The following B4GALNT2 variants were observed in gnomAD, a reference collection of about 807,000 sequenced individuals.
B4GALNT2 encodes N-acetylneuraminylgalactosylglucosyl-glucoside beta-1,4-N- acetylgalactosaminyltransferase 2.
Under a neutral mutation model 51.1 loss-of-function variants are expected in B4GALNT2, and 42 were observed. The observed-to-expected ratio is 0.82, with a 90% CI of 0.64 to 1.06. The LOEUF (loss-of-function observed/expected upper bound fraction) is 1.06. B4GALNT2 is among the 50% of genes least tolerant of loss of function. The pLI, the probability that B4GALNT2 is intolerant of heterozygous loss-of-function variation, is 0.00. For missense variants in B4GALNT2, 602 were observed against 633.6 expected (o/e 0.95, Z 0.54); for synonymous variants, 253 against 251.7 (o/e 1.01, Z -0.05).
At chr17:49,155,624 A>G (rs2042802122) in intron 4 of B4GALNT2, among the ~76,000 whole-genome samples, 1 of 148,500 alleles carries the variant, frequency 6.7e-6, no homozygotes, top group African/African-American at 2.4e-5. Flanking sequence ...ATATATATAA[A>G]ATATAGAAAC....
chr17:49,130,262 T>C (rs1254748866), upstream of B4GALNT2, among the ~76,000 whole-genome samples: 1 of 152,222 alleles, frequency 6.6e-6, no homozygotes, highest in African/African-American at 2.4e-5. Context: ...CCTACTTAAA[T>C]AGAGCTGGTG....
intron 9 of B4GALNT2, among the ~76,000 whole-genome samples, chr17:49,168,090 A>C (rs895347802): frequency 2.6e-5 from 4 of 152,192 alleles, no homozygotes; most frequent in Middle Eastern, 6.3e-3. Flanking sequence ...AGAACGGGTG[A>C]TGGGGGACAA....
intron 4 of B4GALNT2, among the ~76,000 whole-genome samples, chr17:49,155,688 A>G (rs2042802687): frequency 6.7e-6 from 1 of 148,788 alleles, no homozygotes; most frequent in African/African-American, 2.4e-5. Context: ...TTTATAATAT[A>G]TAATATTTAA....
At position 49,164,016 on chromosome 17, in the gene B4GALNT2, C is replaced by T. The variant is rs878906660; in HGVS notation, c.767-72C>T. ...ACAGGTTATGGCAGAAAGAAGCCAT[C>T]AGATCAAAGCAGGAAAAGACAGTGA... On this transcript the variant is annotated intron_variant, in intron 7 of 10. Coordinates refer to ENST00000393354, the MANE Select transcript of B4GALNT2 (RefSeq NM_001159387.2). 2.7e-5 allele frequency: 38 copies of T among 1,429,706 alleles called. No homozygotes were observed. The South Asian group carries it at 4.8e-4, about 18-fold the overall frequency. The allele number at this position is 1,429,706 out of a possible 1,614,324, so 88.6% of individuals were successfully genotyped here. A position where few individuals can be genotyped will look rare whatever the true frequency, so the allele number is the denominator to read the frequency against.
chr17:49,125,823 T>C, the B4GALNT2 span, among the ~76,000 whole-genome samples: 308 of 59,836 alleles, frequency 5.1e-3, no homozygotes, highest in East Asian at 0.01. Context: ...CCGCCCCTAC[T>C]GGGAAGTGAG....
At chr17:49,128,931 A>C (rs1317760177), upstream of B4GALNT2, among the ~76,000 whole-genome samples, 1 of 152,134 alleles carries the variant, frequency 6.6e-6, no homozygotes, top group Non-Finnish European at 1.5e-5. Context: ...GAGACCCAGA[A>C]TCCTCTTTAT....
chr17:49,160,879 A>G (rs867793742), intron 7 of B4GALNT2, among the ~76,000 whole-genome samples: 2 of 152,258 alleles, frequency 1.3e-5, no homozygotes, highest in Non-Finnish European at 2.9e-5. Flanking sequence ...CTAAAAAATT[A>G]TAACATTTTA....
chr17:49,132,892 G>C lies in B4GALNT2; in HGVS notation c.14+86G>C, dbSNP rs551018318. 4.4e-5 allele frequency: 61 copies of C among 1,376,510 alleles called. No homozygotes were observed. The Middle Eastern group carries it at 1.3e-3, about 30-fold the overall frequency. 85.3% of individuals were successfully genotyped at this position (1,376,510 alleles called of 1,614,324 possible). ...GGGTCCTTTCTGGCGTCTGCAGAGC[G>C]GGCAGGTGCTGGGGACGCAGACGCC... On this transcript the variant is annotated intron_variant, in intron 1 of 10. Coordinates refer to ENST00000393354, the MANE Select transcript of B4GALNT2 (RefSeq NM_001159387.2).
intron 1 of B4GALNT2, among the ~76,000 whole-genome samples, chr17:49,138,859 A>G (rs1342359923): frequency 6.6e-6 from 1 of 152,226 alleles, no homozygotes; most frequent in Non-Finnish European, 1.5e-5. Context: ...CCTGGGTGAC[A>G]AAGCGAGACT....
chr17:49,144,353 TC>T (rs1236160543), intron 3 of B4GALNT2, among the ~76,000 whole-genome samples: 2 of 152,226 alleles, frequency 1.3e-5, no homozygotes, highest in East Asian at 3.9e-4. Flanking sequence ...AGTGGAAGGC[TC>T]CCCAGAAGAC....
chr17:49,156,684 G>A (rs1299400071), intron 5 of B4GALNT2, 81 bp downstream of exon 5: 8 of 1,489,762 alleles, frequency 5.4e-6, no homozygotes, highest in Admixed American at 1.8e-5. Flanking sequence ...AGCCTTTGAC[G>A]GAGCCCCTGT....
At chr17:49,142,997 C>T (rs947332726) in intron 3 of B4GALNT2, among the ~76,000 whole-genome samples, 1 of 152,040 alleles carries the variant, frequency 6.6e-6, no homozygotes, top group African/African-American at 2.4e-5. Flanking sequence ...GCCTGTAATC[C>T]CAACACTTTG....
At position 49,152,821 on chromosome 17, in the gene B4GALNT2, G is replaced by A. The variant is rs1191195313; in HGVS notation, c.375G>A (p.Leu125=). The A allele has an allele frequency of 6.2e-7, 1 of 1,607,370 alleles. No individual in the cohort carries two copies. The highest frequency in any genetic ancestry group is 8.5e-7 in the Non-Finnish European group (1 of 1,176,744). The stretch of plus-strand genomic sequence containing the variant: ...GCAGAGAAGGGCTGCCCCGCCCACT[G>A]CCCCTGCTGGTCCAGCCCAACCTCC... The part of the protein sequence containing the change: ...FQRREGLPRP[L]PLLVQPNLPF... The change falls in exon 4 of 11, where the codon CTG becomes CTA. Residue 125 remains leucine, a synonymous_variant. Coordinates refer to ENST00000393354, the MANE Select transcript of B4GALNT2 (RefSeq NM_001159387.2).
chr17:49,154,306 T>A (rs1053290387), intron 4 of B4GALNT2, among the ~76,000 whole-genome samples: 4 of 151,968 alleles, frequency 2.6e-5, no homozygotes, highest in African/African-American at 9.6e-5. Context: ...TGGCCGGGAG[T>A]GCATTGTGAA....
At chr17:49,156,728 G>A in intron 5 of B4GALNT2, 125 bp downstream of exon 5, 9 of 1,106,666 alleles carry the variant, frequency 8.1e-6, no homozygotes, top group Non-Finnish European at 1.2e-5. Flanking sequence ...CCCAAGGAGG[G>A]AGGGGATGGA....
rs1406543955 is a variant in B4GALNT2, at chr17:49,172,815, C to A, written c.*3087C>A. On this transcript the variant is annotated 3_prime_UTR_variant, in exon 11 of 11. Coordinates refer to ENST00000393354, the MANE Select transcript of B4GALNT2 (RefSeq NM_001159387.2). The stretch of plus-strand genomic sequence containing the variant: ...TCTCCTGATTGGCATGTAGCCCAGA[C>A]AAAGTGAGAAAAGGTGTCCACACAT... 1.3e-5 allele frequency: 2 copies of A among 152,072 alleles called. No homozygotes were observed. Among genetic ancestry groups the A allele is most frequent in the African/African-American group, 4.8e-5 (2 of 41,374 alleles). The allele number at this position is 152,072 out of a possible 1,614,324, so 9.4% of individuals were successfully genotyped here.
At chr17:49,134,644 G>A (rs1216962427) in intron 1 of B4GALNT2, among the ~76,000 whole-genome samples, 1 of 152,156 alleles carries the variant, frequency 6.6e-6, no homozygotes, top group African/African-American at 2.4e-5. Flanking sequence ...CTGGAGTGCA[G>A]TGGCGCAATC....
chr17:49,141,816 A>G (rs1290660522), intron 2 of B4GALNT2, among the ~76,000 whole-genome samples: 1 of 152,062 alleles, frequency 6.6e-6, no homozygotes, highest in East Asian at 1.9e-4. Context: ...AAGAGAGGAA[A>G]AGTCTTCAGC....
chr17:49,142,274 C>G (rs935736136), intron 3 of B4GALNT2, 102 bp downstream of exon 3: 38 of 1,464,982 alleles, frequency 2.6e-5, no homozygotes, highest in Non-Finnish European at 3.3e-5. Context: ...AAGGAATTCT[C>G]TCTCTTGCAA....
Sources: gnomAD v4.1 joint callset for allele counts (sites outside exome capture counted in the v4.1 genomes callset) on GRCh38, gnomAD v4.1.1 for gene constraint, MANE v1.5 for transcripts, NCBI Gene and HGNC (gene_info 2026-07-23, HGNC 2026-07-21) for gene names.